The following RAI1 variants were observed in gnomAD, a reference collection of about 807,000 sequenced individuals.
The protein encoded by RAI1 is retinoic acid-induced protein 1.
In RAI1, 9 loss-of-function variants were observed where a neutral mutation model predicts 123.8. That is an observed-to-expected ratio of 0.07 (90% CI 0.04 to 0.13). RAI1 has a LOEUF of 0.13. Ranked by LOEUF, RAI1 falls within the 10% of genes least tolerant of loss-of-function variation. The pLI is 1.00. For missense variants in RAI1, 2,256 were observed against 2,545.8 expected (o/e 0.89, Z 2.45); for synonymous variants, 1,231 against 1,127.3 (o/e 1.09, Z -1.84).
intron 2 of RAI1, among the ~76,000 whole-genome samples, chr17:17,724,949 A>G (rs2142933860): frequency 6.6e-6 from 1 of 152,072 alleles, no homozygotes; most frequent in South Asian, 2.1e-4. Context: ...CCCCAGTCTC[A>G]CGCGCGGTCG....
rs772190938 is a variant in RAI1, at chr17:17,796,675, A to AGCC, written c.3730_3732dup (p.Arg1244dup). ...CAAGAAGCGGAACCTGGTCTTGCGG[A>AGCC]GCCGCAGCAGCAGCAGCAGCAACGC... On this transcript the variant is annotated inframe_insertion, in exon 3 of 6. Coordinates refer to ENST00000353383, the MANE Select transcript of RAI1 (RefSeq NM_030665.4). The surrounding 1 kb of genome is among the most constrained non-coding windows in gnomAD (Gnocchi z 5.8). 3.1e-6 allele frequency: 5 copies of AGCC among 1,612,674 alleles called. No homozygotes were observed. The highest frequency in any genetic ancestry group is 3.3e-5 in the Admixed American group (2 of 59,958).
chr17:17,703,353 T>C (rs1034611383), intron 1 of RAI1, among the ~76,000 whole-genome samples: 5 of 152,178 alleles, frequency 3.3e-5, no homozygotes, highest in African/African-American at 1.2e-4. Flanking sequence ...ACCTGGGGAA[T>C]AGAGCGTGTG....
chr17:17,745,954 C>T (rs946375756), intron 2 of RAI1, among the ~76,000 whole-genome samples: 3 of 152,306 alleles, frequency 2.0e-5, no homozygotes, highest in African/African-American at 4.8e-5. Flanking sequence ...CGAGCCATAC[C>T]ATGGCCGGGG....
intron 1 of RAI1, among the ~76,000 whole-genome samples, chr17:17,699,632 G>T (rs140258257): frequency 4.7e-5 from 7 of 149,826 alleles, no homozygotes; most frequent in African/African-American, 7.5e-5. Flanking sequence ...GGGGGGCCGG[G>T]GGGGGGGGAA....
chr17:17,688,196 G>T (rs1456787958), intron 1 of RAI1, among the ~76,000 whole-genome samples: 1 of 151,174 alleles, frequency 6.6e-6, no homozygotes, highest in Non-Finnish European at 1.5e-5. Flanking sequence ...TTAAAATGAG[G>T]ATAATAGGCA....
In RAI1 at chr17:17,760,225, G is replaced by A. The variant is rs76117093; in HGVS notation, c.-16-32708G>A. ...AATGGTGGAAGGGTAGACAGTGAGGGGCCAACTTTACTGATAGCCCCCACT... is the reference window on the plus strand; with the variant it reads ...AATGGTGGAAGGGTAGACAGTGAGGAGCCAACTTTACTGATAGCCCCCACT... On this transcript the variant is annotated intron_variant, in intron 2 of 5. Coordinates refer to ENST00000353383, the MANE Select transcript of RAI1 (RefSeq NM_030665.4). 9.2e-5 allele frequency among the ~76,000 whole-genome samples: 14 copies of A among 152,238 alleles called. 1 individual carries two copies. In the East Asian group the frequency reaches 2.7e-3, roughly 29 times the overall value.
At chr17:17,763,536 C>A (rs1380817544) in intron 2 of RAI1, among the ~76,000 whole-genome samples, 1 of 152,240 alleles carries the variant, frequency 6.6e-6, no homozygotes, top group African/African-American at 2.4e-5. Flanking sequence ...CCAGCCCACT[C>A]TGCCGGAGTG....
At position 17,690,425 on chromosome 17, in the gene RAI1, T is replaced by C. The variant is rs573164609; in HGVS notation, c.-149+8632T>C. 4.3e-4 allele frequency among the ~76,000 whole-genome samples: 65 copies of C among 151,322 alleles called. No individual in the cohort carries two copies. The East Asian group carries it at 0.01, about 24-fold the overall frequency. Reference sequence around the variant, plus strand: ...AAAAAAGGAATTTCAGTCTCAAGTATGAAAGCAGAAAGTGTTTCCTGATTG... The same window carrying C: ...AAAAAAGGAATTTCAGTCTCAAGTACGAAAGCAGAAAGTGTTTCCTGATTG... On this transcript the variant is annotated intron_variant, in intron 1 of 5. Transcript: ENST00000353383.
At chr17:17,713,602 C>T (rs556701575) in intron 1 of RAI1, among the ~76,000 whole-genome samples, 2 of 152,186 alleles carry the variant, frequency 1.3e-5, no homozygotes, top group Admixed American at 1.3e-4. Context: ...GATCTTGCTA[C>T]TGTACTGCAG....
rs1459391293 is a variant in RAI1, at chr17:17,809,446, G to A, written c.5709+7G>A. 2.5e-6 allele frequency: 4 copies of A among 1,593,772 alleles called. No homozygotes were observed. The highest frequency in any genetic ancestry group is 2.7e-5 in the African/African-American group (2 of 74,460). On this transcript the variant is annotated splice_region_variant and intron_variant, in intron 5 of 5. Transcript: ENST00000353383. This position sits in a 1 kb window ranked among gnomAD's most constrained non-coding sequence, Gnocchi z 4.9. ...GAAATGTCCCAAACATAAGGTAGGGGACCACAGTGTTTTGTAGGGCGAGGG... is the reference window on the plus strand; with the variant it reads ...GAAATGTCCCAAACATAAGGTAGGGAACCACAGTGTTTTGTAGGGCGAGGG...
chr17:17,749,799 C>G (rs1006653609), intron 2 of RAI1, among the ~76,000 whole-genome samples: 3 of 152,238 alleles, frequency 2.0e-5, no homozygotes. Flanking sequence ...GTTCCCCTAC[C>G]TTCTGTTGCT....
chr17:17,750,710 AAAAG>A (rs1379839991), intron 2 of RAI1, among the ~76,000 whole-genome samples: 58 of 151,630 alleles, frequency 3.8e-4, no homozygotes, highest in Non-Finnish European at 7.5e-4. Flanking sequence ...AAAAAAAAAA[AAAAG>A]AAAAGAAACA....
At chr17:17,806,379 A>G (rs1339627714) in intron 4 of RAI1, among the ~76,000 whole-genome samples, 2 of 152,214 alleles carry the variant, frequency 1.3e-5, no homozygotes, top group Non-Finnish European at 2.9e-5. Flanking sequence ...CAGGAAAGGG[A>G]CTGGGAATGC....
At chr17:17,683,341 C>G (rs749647210) in intron 1 of RAI1, among the ~76,000 whole-genome samples, 1 of 152,148 alleles carries the variant, frequency 6.6e-6, no homozygotes, top group African/African-American at 2.4e-5. Flanking sequence ...CCTGCCCCTG[C>G]CCCCCTCCAT....
rs149701833 is a variant in RAI1, at chr17:17,793,079, G to A, written c.131G>A (p.Arg44Gln). ...GCCGGGCTAAGCTGCGACCGGCAGC[G>A]GCTGCTCGCCAAGGACTATTATAAC... ...SQAGLSCDRQ[R>Q]LLAKDYYNPQ... Residue 44 changes from arginine to glutamine, a missense_variant, in exon 3 of 6, where the codon CGG becomes CAG. Transcript: ENST00000353383. The A allele has an allele frequency of 5.3e-5, 86 of 1,613,840 alleles. No homozygotes were observed. In the Middle Eastern group the frequency reaches 1.3e-3, roughly 25 times the overall value.
At chr17:17,700,237 T>G (rs1420884642) in intron 1 of RAI1, among the ~76,000 whole-genome samples, 1 of 152,180 alleles carries the variant, frequency 6.6e-6, no homozygotes, top group Non-Finnish European at 1.5e-5. Flanking sequence ...AGACCTATTC[T>G]TGGGGCCTGG....
intron 2 of RAI1, among the ~76,000 whole-genome samples, chr17:17,752,107 C>T (rs1204789560): frequency 1.3e-5 from 2 of 152,180 alleles, no homozygotes; most frequent in Admixed American, 6.5e-5. Flanking sequence ...AAGTGGAGGC[C>T]CAGGGTCTTG....
intron 1 of RAI1, among the ~76,000 whole-genome samples, chr17:17,712,172 A>G (rs1915585145): frequency 6.6e-6 from 1 of 152,240 alleles, no homozygotes; most frequent in Admixed American, 6.5e-5. Flanking sequence ...AACAGCCCAA[A>G]TAGTCACTGA....
At position 17,809,760 on chromosome 17, in the gene RAI1, C is replaced by T. The variant is rs1322100404; in HGVS notation, c.5710-210C>T. Among the ~76,000 whole-genome samples, 1 of 152,056 alleles carries T rather than the reference C, an allele frequency of 6.6e-6. No homozygotes were observed. The highest frequency in any genetic ancestry group is 1.5e-5 in the Non-Finnish European group (1 of 67,984). On this transcript the variant is annotated intron_variant, in intron 5 of 5. Coordinates refer to ENST00000353383, the MANE Select transcript of RAI1 (RefSeq NM_030665.4). This position sits in a 1 kb window ranked among gnomAD's most constrained non-coding sequence, Gnocchi z 4.9. ...GAGTGGGGCAGGCGGGGGCGCGGGA[C>T]GGTGGCACGGAGCTGAAGGCGAAGG... is the stretch of plus-strand genomic sequence containing the variant.
Sources: allele counts gnomAD v4.1 joint callset (sites outside exome capture counted in the v4.1 genomes callset), GRCh38; gene constraint gnomAD v4.1.1; non-coding constraint Gnocchi (gnomAD v3.1); transcripts MANE v1.5; gene names NCBI Gene and HGNC (gene_info 2026-07-23, HGNC 2026-07-21).